The following ERC2 variants were observed in gnomAD, a reference collection of about 807,000 sequenced individuals.
The protein encoded by ERC2 is ELKS/RAB6-interacting/CAST family member 2.
Under a neutral mutation model 114.8 loss-of-function variants are expected in ERC2, and 42 were observed. That is an observed-to-expected ratio of 0.37 (90% CI 0.29 to 0.47). ERC2 has a LOEUF of 0.47. ERC2 is among the 20% of genes least tolerant of loss of function. The pLI, the probability that ERC2 is intolerant of heterozygous loss-of-function variation, is 0.99. For synonymous variants in ERC2, 454 were observed against 425.5 expected (o/e 1.07, Z -0.82); for missense variants, 939 against 1,150.7 (o/e 0.82, Z 2.66).
At chr3:56,070,427 T>C (rs1244722488) in intron 7 of ERC2, among the ~76,000 whole-genome samples, 2 of 150,690 alleles carry the variant, frequency 1.3e-5, no homozygotes, top group African/African-American at 2.4e-5. Context: ...TTATTTTAAA[T>C]CTTCAAGGAA....
chr3:55,861,066 T>C lies in ERC2; in HGVS notation c.2564+27323A>G, dbSNP rs574688720. ...GCTACGCTATTTTCAACTGTGCTCGTTGACAAAACCCATCCATAGCAAACA... is the reference window on the plus strand; with the variant it reads ...GCTACGCTATTTTCAACTGTGCTCGCTGACAAAACCCATCCATAGCAAACA... On this transcript the variant is annotated intron_variant, in intron 14 of 17. Coordinates refer to ENST00000288221, the MANE Select transcript of ERC2 (RefSeq NM_015576.3). Among the ~76,000 whole-genome samples the C allele has an allele frequency of 1.1e-4, 17 of 152,356 alleles. No individual in the cohort carries two copies. The South Asian group carries it at 1.4e-3, about 13-fold the overall frequency.
At chr3:55,794,088 G>C (rs1004295853) in intron 14 of ERC2, among the ~76,000 whole-genome samples, 1 of 152,166 alleles carries the variant, frequency 6.6e-6, no homozygotes, top group African/African-American at 2.4e-5. Flanking sequence ...GCACTTTAAT[G>C]TTATGGCACC....
intron 15 of ERC2, among the ~76,000 whole-genome samples, chr3:55,730,390 G>GA (rs2065182620): frequency 6.6e-6 from 1 of 152,122 alleles, no homozygotes; most frequent in Non-Finnish European, 1.5e-5. Context: ...TGATTATAAG[G>GA]AAAAAATGAG....
At chr3:55,941,309 C>T (rs1358728375) in intron 13 of ERC2, among the ~76,000 whole-genome samples, 1 of 152,034 alleles carries the variant, frequency 6.6e-6, no homozygotes, top group Non-Finnish European at 1.5e-5. Flanking sequence ...GCCCTGATGC[C>T]CCTTCAGGAC....
intron 7 of ERC2, among the ~76,000 whole-genome samples, chr3:56,063,006 A>G (rs2076313426): frequency 6.6e-6 from 1 of 152,210 alleles, no homozygotes; most frequent in South Asian, 2.1e-4. Flanking sequence ...CAACAAGGTT[A>G]CTCTCAGAGT....
At chr3:56,028,739 G>C (rs188695627) in intron 7 of ERC2, among the ~76,000 whole-genome samples, 76 of 152,098 alleles carry the variant, frequency 5.0e-4, no homozygotes, top group Non-Finnish European at 8.7e-4. Flanking sequence ...CCTTTTTAAA[G>C]ATTCCTTGGG....
intron 15 of ERC2, among the ~76,000 whole-genome samples, chr3:55,722,646 G>A (rs191053071): frequency 2.0e-5 from 3 of 152,256 alleles, no homozygotes; most frequent in Admixed American, 6.5e-5. Flanking sequence ...TGTCTCCGGT[G>A]TCCAGATAGT....
chr3:55,598,648 A>G (rs1355610866), intron 17 of ERC2, among the ~76,000 whole-genome samples: 2 of 152,226 alleles, frequency 1.3e-5, no homozygotes, highest in Non-Finnish European at 2.9e-5. Context: ...ACTGTTATGG[A>G]ATGAATCTTA....
At chr3:55,800,886 C>G (rs568959176) in intron 14 of ERC2, among the ~76,000 whole-genome samples, 5 of 152,264 alleles carry the variant, frequency 3.3e-5, no homozygotes, top group African/African-American at 1.2e-4. Context: ...AGTAAGTTCA[C>G]CTCAGACTGG....
chr3:55,671,371 T>C (rs1158684656), intron 17 of ERC2, among the ~76,000 whole-genome samples: 1 of 152,230 alleles, frequency 6.6e-6, no homozygotes, highest in Non-Finnish European at 1.5e-5. Flanking sequence ...CATCTATATC[T>C]GGATTTTGCC....
At chr3:55,834,020 T>A (rs1261451284) in intron 14 of ERC2, among the ~76,000 whole-genome samples, 1 of 151,170 alleles carries the variant, frequency 6.6e-6, no homozygotes, top group Non-Finnish European at 1.5e-5. Context: ...AGAAGGCCAT[T>A]ACATAATGGT....
chr3:56,263,672 G>A (rs1377063827), intron 3 of ERC2, among the ~76,000 whole-genome samples: 12 of 152,070 alleles, frequency 7.9e-5, no homozygotes, highest in African/African-American at 2.7e-4. Context: ...GTAATTAAAA[G>A]CCTCCCAACA....
chr3:56,292,250 G>C (rs987775870), intron 3 of ERC2, among the ~76,000 whole-genome samples: 7 of 151,944 alleles, frequency 4.6e-5, no homozygotes, highest in Admixed American at 6.6e-5. Flanking sequence ...CCACAAAATG[G>C]CTGTTCTGCC....
intron 8 of ERC2, 44 bp downstream of exon 8, chr3:56,018,850 G>A: frequency 6.3e-7 from 1 of 1,590,270 alleles, no homozygotes; most frequent in Admixed American, 1.8e-5. Context: ...CCCCAACTCT[G>A]TTTCCCCATA....
At chr3:56,039,170 T>C (rs966480403) in intron 7 of ERC2, among the ~76,000 whole-genome samples, 1 of 152,182 alleles carries the variant, frequency 6.6e-6, no homozygotes, top group African/African-American at 2.4e-5. Flanking sequence ...GGCACATGTT[T>C]ACCTATGAAA....
intron 3 of ERC2, among the ~76,000 whole-genome samples, chr3:56,219,364 C>T (rs2049739316): frequency 6.6e-6 from 1 of 151,998 alleles, no homozygotes; most frequent in Non-Finnish European, 1.5e-5. Flanking sequence ...AAACTCTGGT[C>T]TAACCTCCAG....
At chr3:55,897,973 A>G (rs1001541036) in intron 13 of ERC2, among the ~76,000 whole-genome samples, 2 of 152,202 alleles carry the variant, frequency 1.3e-5, no homozygotes, top group African/African-American at 4.8e-5. Context: ...CTGCAAACAA[A>G]TGCCCACATT....
At chr3:55,619,002 G>A (rs2059228752) in intron 17 of ERC2, among the ~76,000 whole-genome samples, 1 of 152,214 alleles carries the variant, frequency 6.6e-6, no homozygotes, top group East Asian at 1.9e-4. Context: ...GATGCGAATG[G>A]AATGGTAAAA....
At chr3:55,539,415 C>CTTTCTTTTTTTTTTTTT (rs2054227982) in intron 17 of ERC2, among the ~76,000 whole-genome samples, 3 of 39,090 alleles carry the variant, frequency 7.7e-5, no homozygotes, top group Admixed American at 5.1e-4. Flanking sequence ...TTTTTTCTTT[C>CTTTCTTTTTTTTTTTTT]TTTTTTTTTT....
Sources: gnomAD v4.1 joint callset for allele counts (sites outside exome capture counted in the v4.1 genomes callset) on GRCh38, gnomAD v4.1.1 for gene constraint, MANE v1.5 for transcripts, NCBI Gene and HGNC (gene_info 2026-07-23, HGNC 2026-07-21) for gene names.